The following DMD variants were observed in gnomAD, a reference collection of about 807,000 sequenced individuals.
DMD encodes the protein mutant dystrophin.
Under a neutral mutation model 330.1 loss-of-function variants are expected in DMD, and 63 were observed. The observed-to-expected ratio is 0.19, with a 90% confidence interval of 0.16 to 0.24. The LOEUF (loss-of-function observed/expected upper bound fraction) is 0.24, where lower values mean the gene tolerates loss of function less well. Ranked by LOEUF, DMD falls within the 10% of genes least tolerant of loss-of-function variation. DMD has a pLI of 1.00. For missense variants in DMD, 3,344 were observed against 2,684.1 expected, an observed-to-expected ratio of 1.25 and a Z score of -5.43; for synonymous variants, 1,223 against 959.8, an observed-to-expected ratio of 1.27 and a Z score of -5.07.
intron 7 of DMD, among the ~76,000 whole-genome samples, chrX:32,777,866 C>T (rs2074333561): frequency 8.9e-6 from 1 of 112,299 alleles, no homozygotes; most frequent in South Asian, 3.6e-4. Context: ...ATGCCCTGTG[C>T]ACATCGCTGC....
chrX:31,856,845 T>C (rs1356190108), intron 48 of DMD, among the ~76,000 whole-genome samples: 1 of 112,551 alleles, frequency 8.9e-6, no homozygotes, highest in African/African-American at 3.2e-5. Context: ...TATTAATTTT[T>C]GTGTTTCTTA....
chrX:32,181,381 T>C (rs1464627111), intron 44 of DMD, among the ~76,000 whole-genome samples: 1 of 112,042 alleles, frequency 8.9e-6, no homozygotes, highest in Non-Finnish European at 1.9e-5. Context: ...CTTCCATGGA[T>C]ATTCTGATTG....
intron 15 of DMD, among the ~76,000 whole-genome samples, chrX:32,570,610 A>G (rs2052307572): frequency 9.0e-6 from 1 of 111,729 alleles, no homozygotes; most frequent in African/African-American, 3.2e-5. Flanking sequence ...GACTACTGAA[A>G]TAGATTGAAA....
At chrX:32,772,087 C>T (rs1409757147) in intron 7 of DMD, among the ~76,000 whole-genome samples, 2 of 112,101 alleles carry the variant, frequency 1.8e-5, no homozygotes, top group Non-Finnish European at 3.8e-5. Flanking sequence ...CTGATGAGGG[C>T]ATTGGTTGGC....
At chrX:33,291,574 A>C (rs1447976618) in intron 1 of DMD, among the ~76,000 whole-genome samples, 1 of 111,473 alleles carries the variant, frequency 9.0e-6, no homozygotes, top group Non-Finnish European at 1.9e-5. Flanking sequence ...AATAATTATT[A>C]TTTCACTGGA....
intron 1 of DMD, among the ~76,000 whole-genome samples, chrX:33,025,550 A>G (rs1429774540): frequency 9.0e-6 from 1 of 111,436 alleles, no homozygotes; most frequent in Admixed American, 9.5e-5. Flanking sequence ...CATAATCTGT[A>G]CAAGAAAATA....
chrX:32,709,550 C>A (rs1271239908), intron 7 of DMD, among the ~76,000 whole-genome samples: 1 of 111,702 alleles, frequency 9.0e-6, no homozygotes, highest in African/African-American at 3.2e-5. Flanking sequence ...AATGTCATCC[C>A]TCTTTCTCTT....
chrX:31,925,891 A>G (rs981308611), intron 47 of DMD, among the ~76,000 whole-genome samples: 8 of 109,533 alleles, frequency 7.3e-5, no homozygotes, highest in Non-Finnish European at 1.3e-4. Flanking sequence ...AAAAAAACAA[A>G]AAGAAGATTC....
intron 17 of DMD, among the ~76,000 whole-genome samples, chrX:32,519,869 A>G (rs1394095954): frequency 8.9e-6 from 1 of 112,237 alleles, no homozygotes; most frequent in African/African-American, 3.2e-5. Context: ...TTAGAAAAAC[A>G]TATTCGCATT....
intron 2 of DMD, among the ~76,000 whole-genome samples, chrX:32,992,921 A>AAAAAAAAAC (rs1476448179): frequency 2.6e-4 from 29 of 109,898 alleles, no homozygotes; most frequent in African/African-American, 9.3e-4. Context: ...AAAAAAAAAA[A>AAAAAAAAAC]AAAAAACTGT....
At chrX:31,333,613 C>T (rs944291649) in intron 61 of DMD, among the ~76,000 whole-genome samples, 7 of 109,489 alleles carry the variant, frequency 6.4e-5, no homozygotes, top group African/African-American at 2.0e-4. Flanking sequence ...ATAACATGAA[C>T]TCCTTCACTT....
At chrX:32,579,581 T>A (rs184856635) in intron 13 of DMD, among the ~76,000 whole-genome samples, 1 of 112,682 alleles carries the variant, frequency 8.9e-6, no homozygotes. Flanking sequence ...GCCGAATCCC[T>A]TTGGAGTCTT....
intron 60 of DMD, among the ~76,000 whole-genome samples, chrX:31,430,329 A>C (rs2063968959): frequency 9.0e-6 from 1 of 111,337 alleles, no homozygotes; most frequent in African/African-American, 3.3e-5. Flanking sequence ...GGATTAAACA[A>C]TACTCCTTTT....
chrX:33,252,581 C>T (rs1309928597), intron 1 of DMD, among the ~76,000 whole-genome samples: 2 of 107,878 alleles, frequency 1.9e-5, no homozygotes, highest in African/African-American at 7.1e-5. Flanking sequence ...AAGAACTAGT[C>T]CTCCCTGAGA....
At chrX:31,199,045 G>A (rs1260020341) in intron 67 of DMD, among the ~76,000 whole-genome samples, 1 of 111,811 alleles carries the variant, frequency 8.9e-6, no homozygotes, top group Non-Finnish European at 1.9e-5. Flanking sequence ...TAAATTGCAC[G>A]ATGTAGACTA....
At chrX:32,377,706 C>T (rs911001987) in intron 34 of DMD, among the ~76,000 whole-genome samples, 20 of 111,429 alleles carry the variant, frequency 1.8e-4, no homozygotes, top group African/African-American at 6.5e-4. Context: ...ATGTCTAATT[C>T]TACTTAAAAG....
At chrX:32,868,338 C>T (rs2082679236) in intron 2 of DMD, among the ~76,000 whole-genome samples, 1 of 111,322 alleles carries the variant, frequency 9.0e-6, no homozygotes, top group South Asian at 3.8e-4. Context: ...GCTCAGTTTC[C>T]GGGGGCGGGG....
At chrX:33,163,076 G>A (rs1370616593) in intron 1 of DMD, among the ~76,000 whole-genome samples, 2 of 111,217 alleles carry the variant, frequency 1.8e-5, no homozygotes, top group Non-Finnish European at 1.9e-5. Flanking sequence ...CCATGGCTTC[G>A]CTTAATACAA....
intron 8 of DMD, among the ~76,000 whole-genome samples, chrX:32,698,454 T>G (rs1487154468): frequency 8.9e-6 from 1 of 111,744 alleles, no homozygotes; most frequent in Non-Finnish European, 1.9e-5. Context: ...CTCCACACAT[T>G]CAGCAGAAAT....
Sources: allele counts gnomAD v4.1 joint callset (sites outside exome capture counted in the v4.1 genomes callset), GRCh38; gene constraint gnomAD v4.1.1; transcripts MANE v1.5; gene names NCBI Gene and HGNC (gene_info 2026-07-23, HGNC 2026-07-21).